The following CUX2 variants were observed in gnomAD, a reference collection of about 807,000 sequenced individuals.
CUX2 encodes homeobox protein cut-like 2.
A neutral mutation model predicts 144.8 loss-of-function variants in CUX2; 40 were observed. That is an observed-to-expected ratio of 0.28 (90% CI 0.21 to 0.36). CUX2 has a LOEUF of 0.36. CUX2 is among the 10% of genes least tolerant of loss of function. The pLI is 1.00. For synonymous variants in CUX2, 827 were observed against 875.6 expected, an observed-to-expected ratio of 0.94 and a Z score of 0.98; for missense variants, 1,615 against 1,994.0, an observed-to-expected ratio of 0.81 and a Z score of 3.62.
chr12:111,328,056 T>C (rs761334986), intron 18 of CUX2, among the ~76,000 whole-genome samples: 14 of 152,058 alleles, frequency 9.2e-5, no homozygotes, highest in South Asian at 4.1e-4. Context: ...AGACCCTGTC[T>C]CAAAAACAAT....
At chr12:111,126,017 C>T (rs74667666) in intron 1 of CUX2, among the ~76,000 whole-genome samples, 4,103 of 148,992 alleles carry the variant, frequency 0.028, 212 homozygotes, top group African/African-American at 0.1. Context: ...CGATGTATTA[C>T]GTTTGTTTGT....
chr12:111,341,111 A>G (rs1445656202), intron 20 of CUX2, among the ~76,000 whole-genome samples: 1 of 152,186 alleles, frequency 6.6e-6, no homozygotes, highest in African/African-American at 2.4e-5. Context: ...TTACGGCACC[A>G]GGGAACAAGC....
intron 1 of CUX2, among the ~76,000 whole-genome samples, chr12:111,121,437 C>T (rs546577770): frequency 7.0e-4 from 87 of 123,536 alleles, no homozygotes; most frequent in African/African-American, 2.1e-3. Context: ...AGGGCTATGG[C>T]GCGATCTTGA....
chr12:111,151,986 G>A (rs116026310), intron 1 of CUX2, among the ~76,000 whole-genome samples: 1,567 of 152,230 alleles, frequency 0.01, 29 homozygotes, highest in African/African-American at 0.036. Flanking sequence ...CTGAAGCAAA[G>A]GTTTAAGAAA....
chr12:111,155,982 A>G (rs1877348733), intron 1 of CUX2, among the ~76,000 whole-genome samples: 1 of 152,210 alleles, frequency 6.6e-6, no homozygotes, highest in African/African-American at 2.4e-5. Context: ...ACCCGCTCAC[A>G]AGCCCTGGCT....
intron 19 of CUX2, among the ~76,000 whole-genome samples, chr12:111,337,907 T>C (rs1888419765): frequency 6.6e-6 from 1 of 151,866 alleles, no homozygotes; most frequent in African/African-American, 2.4e-5. Context: ...TGGTAGTACG[T>C]GCCTGTAATC....
intron 14 of CUX2, among the ~76,000 whole-genome samples, chr12:111,309,302 G>C (rs1173216711): frequency 6.6e-6 from 1 of 152,204 alleles, no homozygotes; most frequent in African/African-American, 2.4e-5. Context: ...CCCACTTCAT[G>C]GGTGCCATGT....
Position 111,090,739 on chromosome 12 carries a change from A to G in CUX2, c.63+56499A>G, listed in dbSNP as rs373268294. 3.9e-5 allele frequency among the ~76,000 whole-genome samples: 6 copies of G among 152,176 alleles called. 1 individual carries two copies. The highest frequency in any genetic ancestry group is 1.4e-4 in the African/African-American group (6 of 41,518). ...CTCACCAAGAGGCCCCTCATGTTAG[A>G]GATACAAGCTCCATCATTTTGTCCG... On this transcript the variant is annotated intron_variant, in intron 1 of 21. Coordinates refer to ENST00000261726, the MANE Select transcript of CUX2 (RefSeq NM_015267.4).
chr12:111,334,475 AC>A lies in CUX2; in HGVS notation c.2967del (p.Ser990AlafsTer13). The A allele has an allele frequency of 7.2e-6, 11 of 1,534,260 alleles. No individual in the cohort carries two copies. The highest frequency in any genetic ancestry group is 2.0e-5 in the Admixed American group (1 of 50,152). On this transcript the variant is annotated frameshift_variant, in exon 19 of 22. Transcript: ENST00000261726. LOFTEE classifies it high-confidence loss of function. Reference sequence around the variant, plus strand: ...CAGAACCAAGGTCCTCACCATCCCCACCCCCCAGCCCCACAGAGCCTGAGAA... The same window carrying A: ...CAGAACCAAGGTCCTCACCATCCCCACCCCCAGCCCCACAGAGCCTGAGAA... ...PTEPRSSPSP[P>X]PSPTEPEKSS... is the part of the protein sequence containing the mutation.
At position 111,334,436 on chromosome 12, in the gene CUX2, C is replaced by T; in HGVS notation, c.2927-5C>T. 6.3e-7 allele frequency: 1 copy of T among 1,577,052 alleles called. No homozygotes were observed. The highest frequency in any genetic ancestry group is 8.6e-7 in the Non-Finnish European group (1 of 1,162,458). On this transcript the variant is annotated splice_polypyrimidine_tract_variant and splice_region_variant and intron_variant, in intron 18 of 21. Transcript: ENST00000261726. ...AACCACCTTCTCTTTCTCTGTGGCCCACAGCCAGTCCCACAGAACCAAGGT... is the reference window on the plus strand; with the variant it reads ...AACCACCTTCTCTTTCTCTGTGGCCTACAGCCAGTCCCACAGAACCAAGGT...
In CUX2 at chr12:111,190,034, A is replaced by ACTAT. The variant is rs1312575976; in HGVS notation, c.64-24163_64-24160dup. 2.0e-4 allele frequency among the ~76,000 whole-genome samples: 31 copies of ACTAT among 152,256 alleles called. No individual in the cohort carries two copies. Among genetic ancestry groups the ACTAT allele is most frequent in the African/African-American group, 6.7e-4 (28 of 41,544 alleles). ...GTAGCCATTCTGGTGGGTATGTAGCACTATCTCCTTGTGGCTTAAATTTTC... is the reference window on the plus strand; with the variant it reads ...GTAGCCATTCTGGTGGGTATGTAGCACTATCTATCTCCTTGTGGCTTAAATTTTC... On this transcript the variant is annotated intron_variant, in intron 1 of 21. Coordinates refer to ENST00000261726, the MANE Select transcript of CUX2 (RefSeq NM_015267.4). This position sits in a 1 kb window ranked among gnomAD's most constrained non-coding sequence, Gnocchi z 4.0.
intron 2 of CUX2, among the ~76,000 whole-genome samples, chr12:111,215,611 G>T (rs1002647307): frequency 2.0e-5 from 3 of 152,176 alleles, no homozygotes; most frequent in East Asian, 1.9e-4. Flanking sequence ...AGCCAAGAAG[G>T]CATCAGTGAT....
At chr12:111,069,542 G>GTA (rs1410623153) in intron 1 of CUX2, among the ~76,000 whole-genome samples, 3,069 of 150,914 alleles carry the variant, frequency 0.02, 114 homozygotes, top group African/African-American at 0.072. Flanking sequence ...GTGTGTGTGT[G>GTA]TGTGTGTGTG....
intron 4 of CUX2, among the ~76,000 whole-genome samples, chr12:111,270,822 G>C (rs113559123): frequency 0.029 from 4,441 of 152,136 alleles, 87 homozygotes; most frequent in Middle Eastern, 0.048. Context: ...CCTTCTCTTG[G>C]GGGGGAGGCT....
chr12:111,152,618 C>T (rs552348879), intron 1 of CUX2, among the ~76,000 whole-genome samples: 146 of 152,268 alleles, frequency 9.6e-4, no homozygotes, highest in African/African-American at 3.3e-3. Context: ...ATATTCTGCC[C>T]GAGGGCCACC....
chr12:111,056,997 CGGT>C (rs1438921802), intron 1 of CUX2, among the ~76,000 whole-genome samples: 3 of 150,468 alleles, frequency 2.0e-5, no homozygotes, highest in African/African-American at 4.9e-5. Flanking sequence ...GTGTAACAAG[CGGT>C]GGCCAAGCTG....
chr12:111,296,385 C>G, intron 7 of CUX2, 88 bp from the exon 8 acceptor site: 1 of 1,200,844 alleles, frequency 8.3e-7, no homozygotes, highest in Non-Finnish European at 1.2e-6. Flanking sequence ...TGCTGGGCTT[C>G]GCAGAAGGAG....
intron 3 of CUX2, among the ~76,000 whole-genome samples, chr12:111,219,285 C>A (rs1368550432): frequency 6.6e-6 from 1 of 151,520 alleles, no homozygotes; most frequent in Non-Finnish European, 1.5e-5. Context: ...AGTATTGGTT[C>A]ATTTGGTTGC....
chr12:111,270,823 G>C (rs761653815), intron 4 of CUX2, among the ~76,000 whole-genome samples: 35 of 152,228 alleles, frequency 2.3e-4, no homozygotes, highest in African/African-American at 6.5e-4. Flanking sequence ...CTTCTCTTGG[G>C]GGGGAGGCTG....
Sources: gnomAD v4.1 joint callset for allele counts (sites outside exome capture counted in the v4.1 genomes callset) on GRCh38, gnomAD v4.1.1 for gene constraint, Gnocchi (gnomAD v3.1) non-coding constraint, MANE v1.5 for transcripts, NCBI Gene and HGNC (gene_info 2026-07-23, HGNC 2026-07-21) for gene names.